The following COL28A1 variants were observed in gnomAD, a reference collection of about 807,000 sequenced individuals.
COL28A1 encodes collagen type XXVIII alpha 1 chain.
Under a neutral mutation model 150.2 loss-of-function variants are expected in COL28A1, and 161 were observed. That is an observed-to-expected ratio of 1.07 (90% CI 0.94 to 1.22). The LOEUF (loss-of-function observed/expected upper bound fraction) is 1.22. COL28A1 is among the 50% of genes most tolerant of loss of function. The pLI, the probability that COL28A1 is intolerant of heterozygous loss-of-function variation, is 0.00. For synonymous variants in COL28A1, 552 were observed against 469.7 expected (o/e 1.18, Z -2.26); for missense variants, 1,617 against 1,388.3 (o/e 1.16, Z -2.62).
intron 25 of COL28A1, among the ~76,000 whole-genome samples, chr7:7,425,556 A>G (rs749237270): frequency 2.0e-5 from 3 of 152,140 alleles, no homozygotes; most frequent in Admixed American, 6.5e-5. Flanking sequence ...GTTTACTCCA[A>G]TGTGTTAATT....
At chr7:7,342,102 A>G in the COL28A1 span, among the ~76,000 whole-genome samples, 1 of 152,038 alleles carries the variant, frequency 6.6e-6, no homozygotes, top group Non-Finnish European at 1.5e-5. Context: ...TTCACTTTAT[A>G]TCTTTTGAGG....
At chr7:7,356,842 T>C (rs997357444), downstream of COL28A1, 4 of 152,080 alleles carry the variant, frequency 2.6e-5, no homozygotes, top group East Asian at 5.8e-4. Context: ...ACTTAAAGTA[T>C]AATAAAAAAA....
chr7:7,514,424 A>C (rs1338405446), intron 8 of COL28A1, among the ~76,000 whole-genome samples: 2 of 152,210 alleles, frequency 1.3e-5, no homozygotes, highest in Non-Finnish European at 2.9e-5. Context: ...ACTCCAAGAC[A>C]TTGAGTTACC....
At chr7:7,483,253 C>T (rs562498616) in intron 13 of COL28A1, among the ~76,000 whole-genome samples, 18 of 152,238 alleles carry the variant, frequency 1.2e-4, no homozygotes, top group African/African-American at 3.6e-4. Context: ...GAACCATCTT[C>T]GGTGTTACCA....
chr7:7,470,947 T>G (rs1788357514), intron 15 of COL28A1, among the ~76,000 whole-genome samples: 1 of 106,204 alleles, frequency 9.4e-6, no homozygotes, highest in African/African-American at 3.9e-5. Flanking sequence ...AATATCACAC[T>G]CTGGGGACTG....
chr7:7,386,731 A>C (rs1782206458), intron 27 of COL28A1, among the ~76,000 whole-genome samples: 1 of 152,178 alleles, frequency 6.6e-6, no homozygotes. Context: ...GACTGGGGCC[A>C]GGACTAGGGT....
At chr7:7,388,556 G>C (rs1782341105) in intron 27 of COL28A1, among the ~76,000 whole-genome samples, 1 of 152,050 alleles carries the variant, frequency 6.6e-6, no homozygotes, top group Non-Finnish European at 1.5e-5. Flanking sequence ...TGGTATTTCT[G>C]GTTCTAGATC....
chr7:7,385,092 G>A (rs1244332814), intron 27 of COL28A1, among the ~76,000 whole-genome samples: 1 of 152,194 alleles, frequency 6.6e-6, no homozygotes, highest in Non-Finnish European at 1.5e-5. Flanking sequence ...ACCTGCCTGA[G>A]GTTATACCAT....
At chr7:7,470,898 G>A (rs1406875046) in intron 15 of COL28A1, among the ~76,000 whole-genome samples, 1 of 128,280 alleles carries the variant, frequency 7.8e-6, no homozygotes, top group African/African-American at 3.3e-5. Flanking sequence ...ACTCATAGGT[G>A]GGAATTGAAC....
At chr7:7,394,709 A>C (rs1269836652) in intron 27 of COL28A1, among the ~76,000 whole-genome samples, 1 of 152,164 alleles carries the variant, frequency 6.6e-6, no homozygotes, top group East Asian at 1.9e-4. Flanking sequence ...CTACACATGG[A>C]TAATATAAAT....
chr7:7,474,803 A>C (rs949759326), intron 14 of COL28A1, 134 bp from the exon 15 acceptor site: 1 of 611,284 alleles, frequency 1.6e-6, no homozygotes, highest in Non-Finnish European at 2.9e-6. Context: ...GTTTACTACA[A>C]ATGGGTAATT....
At chr7:7,410,170 G>A (rs1376809432) in intron 27 of COL28A1, among the ~76,000 whole-genome samples, 1 of 152,174 alleles carries the variant, frequency 6.6e-6, no homozygotes, top group African/African-American at 2.4e-5. Flanking sequence ...AAATGCAAAT[G>A]TGCCCTGATG....
downstream of COL28A1, among the ~76,000 whole-genome samples, chr7:7,355,653 T>C (rs1780332094): frequency 6.6e-6 from 1 of 152,210 alleles, no homozygotes; most frequent in Non-Finnish European, 1.5e-5. Context: ...ATACCTATAC[T>C]AGCAAAATAA....
rs1487881599 is a variant in COL28A1 at position 7,531,433 on chromosome 7, A to C, written c.596T>G (p.Leu199Arg). 1 of 1,599,002 alleles carries C rather than the reference A, an allele frequency of 6.3e-7. No individual in the cohort carries two copies. Among genetic ancestry groups the C allele is most frequent in the South Asian group, 1.1e-5 (1 of 90,398 alleles). ...ALSTVVNEAK[L>R]RLISGDSSSE... ...GGATGAATCCCCAGAAATCAAACGAAGTTTGGCTTCATTGACTACCGTAGA... is the reference window on the plus strand; with the variant it reads ...GGATGAATCCCCAGAAATCAAACGACGTTTGGCTTCATTGACTACCGTAGA... Residue 199 changes from leucine (L) to arginine (R), a missense_variant, in exon 3 of 35, where the codon CTT (leucine) becomes CGT (arginine). Transcript: ENST00000399429.
At chr7:7,398,821 T>A (rs1389378097) in intron 27 of COL28A1, among the ~76,000 whole-genome samples, 1 of 152,234 alleles carries the variant, frequency 6.6e-6, no homozygotes, top group African/African-American at 2.4e-5. Context: ...GCTGGCCATC[T>A]GCACGATGCA....
intron 27 of COL28A1, among the ~76,000 whole-genome samples, chr7:7,393,873 G>T (rs1782689084): frequency 6.6e-6 from 1 of 152,116 alleles, no homozygotes; most frequent in African/African-American, 2.4e-5. Flanking sequence ...GCTCCGCGGG[G>T]GTGGGATCCG....
intron 27 of COL28A1, among the ~76,000 whole-genome samples, chr7:7,405,863 T>C (rs976461779): frequency 1.3e-5 from 2 of 152,194 alleles, no homozygotes; most frequent in Non-Finnish European, 2.9e-5. Flanking sequence ...CTCTTTAATA[T>C]ATTAATATGA....
In COL28A1 at chr7:7,461,115, T is replaced by C. The variant is rs141276671; in HGVS notation, c.1303-5003A>G. Among the ~76,000 whole-genome samples the C allele has an allele frequency of 1.1e-3, 164 of 152,186 alleles. 1 individual carries two copies. The highest frequency in any genetic ancestry group is 3.6e-3 in the African/African-American group (150 of 41,518). ...AAACTATAGAAATGGGAAAGGGAGA[T>C]TGTCCGCCCCTGAACACATACCCCC... On this transcript the variant is annotated intron_variant, in intron 15 of 34. Transcript: ENST00000399429.
chr7:7,416,170 G>A (rs1001543326), intron 27 of COL28A1, among the ~76,000 whole-genome samples: 4 of 152,194 alleles, frequency 2.6e-5, no homozygotes, highest in Admixed American at 2.6e-4. Context: ...ACAGCCCTAA[G>A]TGAAGGAAAA....
Sources: gnomAD v4.1 joint callset for allele counts (sites outside exome capture counted in the v4.1 genomes callset) on GRCh38, gnomAD v4.1.1 for gene constraint, MANE v1.5 for transcripts, NCBI Gene and HGNC (gene_info 2026-07-23, HGNC 2026-07-21) for gene names.